TNFSF11: variants seen among roughly 807,000 people sequenced by gnomAD.
The protein encoded by TNFSF11 is tumor necrosis factor ligand superfamily member 11.
Under a neutral mutation model 32.2 loss-of-function variants are expected in TNFSF11, and 12 were observed. That is an observed-to-expected ratio of 0.37 (90% confidence interval 0.24 to 0.60). The LOEUF (loss-of-function observed/expected upper bound fraction) is 0.60. TNFSF11 is among the 20% of genes least tolerant of loss of function. The probability of loss-of-function intolerance (pLI) is 0.66; values close to 1 mark genes in which losing one functional copy is unlikely to be tolerated. For missense variants in TNFSF11, 345 were observed against 398.0 expected, an observed-to-expected ratio of 0.87 and a Z score of 1.13; for synonymous variants, 172 against 152.1, an observed-to-expected ratio of 1.13 and a Z score of -0.96.
intron 4 of TNFSF11, among the ~76,000 whole-genome samples, chr13:42,601,365 A>G (rs1263240246): frequency 2.0e-5 from 3 of 152,226 alleles, no homozygotes; most frequent in Admixed American, 6.5e-5. Flanking sequence ...ATACTCAGCT[A>G]TCTCCTGCAG....
At chr13:42,566,473 A>G (rs2137841972) in intron 1 of TNFSF11, 1 of 152,490 alleles carries the variant, frequency 6.6e-6, no homozygotes, top group South Asian at 2.1e-4. Context: ...GTTTACAGAG[A>G]AAGTTTGGTA....
chr13:42,563,427 C>A (rs1373611665), intron 1 of TNFSF11, among the ~76,000 whole-genome samples: 1 of 152,110 alleles, frequency 6.6e-6, no homozygotes, highest in East Asian at 1.9e-4. Context: ...CTTTAGGAGG[C>A]CAAGGCGGGT....
At chr13:42,594,797 G>T (rs887005948) in intron 2 of TNFSF11, among the ~76,000 whole-genome samples, 1 of 152,182 alleles carries the variant, frequency 6.6e-6, no homozygotes, top group Non-Finnish European at 1.5e-5. Flanking sequence ...CCAGGCTCCT[G>T]GGAATTGCAC....
At chr13:42,586,238 C>T (rs1188149753) in intron 2 of TNFSF11, among the ~76,000 whole-genome samples, 2 of 152,180 alleles carry the variant, frequency 1.3e-5, no homozygotes, top group Non-Finnish European at 2.9e-5. Flanking sequence ...AGGGCCACAG[C>T]CATTTCGCGC....
chr13:42,573,161 CTT>C (rs556679330), upstream of TNFSF11, among the ~76,000 whole-genome samples: 1 of 140,484 alleles, frequency 7.1e-6, no homozygotes. Flanking sequence ...CACAGCCATC[CTT>C]TTTTTTTTTT....
intron 2 of TNFSF11, among the ~76,000 whole-genome samples, chr13:42,597,662 C>T (rs1354665374): frequency 6.6e-6 from 1 of 152,110 alleles, no homozygotes; most frequent in Non-Finnish European, 1.5e-5. Context: ...CCAGCAACAC[C>T]AGCTCACTGG....
At chr13:42,590,289 A>G (rs1283346132) in intron 2 of TNFSF11, among the ~76,000 whole-genome samples, 1 of 152,240 alleles carries the variant, frequency 6.6e-6, no homozygotes. Context: ...CATGTGATCA[A>G]TCCATAGGAT....
chr13:42,579,704 C>CT lies in TNFSF11; in HGVS notation c.220-1398dup, dbSNP rs59375842. On this transcript the variant is annotated intron_variant, in intron 1 of 4. Transcript: ENST00000398795. ...GGATACACACCGGCATAAGTAAGCC[C>CT]TTTTTTTTTTTTTTTTTTTTTTTTG... Among the ~76,000 whole-genome samples the CT allele has an allele frequency of 4.9e-4, 32 of 65,484 alleles. 1 individual carries two copies. Among genetic ancestry groups the CT allele is most frequent in the African/African-American group, 1.5e-3 (25 of 16,504 alleles). 43.0% of individuals were successfully genotyped at this position (65,484 alleles called of 152,430 possible). A position where few individuals can be genotyped will look rare whatever the true frequency, so the allele number is the denominator to read the frequency against.
At chr13:42,565,104 C>A (rs1314105887) in intron 1 of TNFSF11, among the ~76,000 whole-genome samples, 1 of 152,104 alleles carries the variant, frequency 6.6e-6, no homozygotes, top group African/African-American at 2.4e-5. Flanking sequence ...GACAAATGTT[C>A]CAAGGGAGGA....
At chr13:42,578,369 C>T (rs1412671761) in intron 1 of TNFSF11, among the ~76,000 whole-genome samples, 1 of 152,134 alleles carries the variant, frequency 6.6e-6, no homozygotes, top group East Asian at 1.9e-4. Flanking sequence ...CCTCATTTAC[C>T]TGTGTGTGTG....
chr13:42,571,430 A>G (rs1336360093), upstream of TNFSF11: 2 of 152,026 alleles, frequency 1.3e-5, no homozygotes, highest in East Asian at 3.9e-4. Flanking sequence ...GTGCAGTGGC[A>G]TGATTGTAGC....
intron 2 of TNFSF11, among the ~76,000 whole-genome samples, chr13:42,592,925 G>A (rs1868582936): frequency 1.3e-5 from 2 of 152,150 alleles, no homozygotes; most frequent in South Asian, 4.1e-4. Flanking sequence ...CACCAAGACT[G>A]TAGGTTTCCT....
At chr13:42,571,826 T>C (rs1323796299), upstream of TNFSF11, 2 of 152,236 alleles carry the variant, frequency 1.3e-5, no homozygotes, top group Non-Finnish European at 2.9e-5. Flanking sequence ...TGATTCATTC[T>C]GATAAGATAT....
At chr13:42,582,488 TAA>T (rs1166385742) in intron 2 of TNFSF11, among the ~76,000 whole-genome samples, 1 of 152,172 alleles carries the variant, frequency 6.6e-6, no homozygotes, top group Admixed American at 6.5e-5. Flanking sequence ...AACTGTTGAT[TAA>T]AAAAATTAAA....
chr13:42,589,918 T>C (rs1874085693), intron 2 of TNFSF11, among the ~76,000 whole-genome samples: 1 of 152,176 alleles, frequency 6.6e-6, no homozygotes, highest in South Asian at 2.1e-4. Context: ...GTGTAGTCGG[T>C]TTTCTAATTG....
At chr13:42,567,975 C>A (rs759954752) in intron 2 of TNFSF11, among the ~76,000 whole-genome samples, 4 of 152,234 alleles carry the variant, frequency 2.6e-5, no homozygotes, top group Non-Finnish European at 4.4e-5. Context: ...GTTACACAAG[C>A]CACAGTGACA....
chr13:42,593,599 AT>A (rs1868623713), intron 2 of TNFSF11, among the ~76,000 whole-genome samples: 1 of 152,230 alleles, frequency 6.6e-6, no homozygotes, highest in African/African-American at 2.4e-5. Context: ...GAAACTGGCT[AT>A]TCATTTTCAG....
chr13:42,599,346 T>C (rs201637742), intron 2 of TNFSF11, among the ~76,000 whole-genome samples: 2 of 93,808 alleles, frequency 2.1e-5, no homozygotes, highest in South Asian at 8.5e-4. Flanking sequence ...TCTATCTATC[T>C]ATCATCTATC....
chr13:42,565,211 AAT>A (rs71696265), intron 1 of TNFSF11, among the ~76,000 whole-genome samples: 6,069 of 16,078 alleles, frequency 0.38, 167 homozygotes, highest in Middle Eastern at 0.48. Flanking sequence ...TAACTTTTAA[AAT>A]ATATATATAT....
Sources: allele counts gnomAD v4.1 joint callset (sites outside exome capture counted in the v4.1 genomes callset), GRCh38; gene constraint gnomAD v4.1.1; transcripts MANE v1.5; gene names NCBI Gene and HGNC (gene_info 2026-07-23, HGNC 2026-07-21).